Variants in CAST observed in about 807,000 individuals in gnomAD.
CAST encodes MIR583 host.
Under a neutral mutation model 119.6 loss-of-function variants are expected in CAST, and 76 were observed. The ratio of observed to expected loss-of-function variants is 0.64; its 90% CI spans 0.53 to 0.77. The LOEUF is 0.77. CAST is among the 30% of genes least tolerant of loss of function. The probability of loss-of-function intolerance (pLI) is 0.00; values close to 1 mark genes in which losing one functional copy is unlikely to be tolerated. For synonymous variants in CAST, 319 were observed against 331.6 expected (o/e 0.96, Z 0.41); for missense variants, 953 against 946.5 (o/e 1.01, Z -0.09).
At chr5:96,557,427 T>C (rs564310962) in intron 1 of CAST, among the ~76,000 whole-genome samples, 1 of 151,730 alleles carries the variant, frequency 6.6e-6, no homozygotes, top group Non-Finnish European at 1.5e-5. Context: ...ATTGGATAAA[T>C]AGTCAAGACC....
chr5:96,735,362 G>A (rs1428316099), intron 9 of CAST, among the ~76,000 whole-genome samples: 1 of 152,184 alleles, frequency 6.6e-6, no homozygotes, highest in Non-Finnish European at 1.5e-5. Context: ...ACCTTCAAAT[G>A]GGAAATGGTC....
chr5:96,602,411 A>G (rs1471106526), intron 1 of CAST, among the ~76,000 whole-genome samples: 1 of 152,220 alleles, frequency 6.6e-6, no homozygotes, highest in East Asian at 1.9e-4. Context: ...AACACAGCAA[A>G]TAAACATGAT....
chr5:96,000,086 AT>A, the CAST span, among the ~76,000 whole-genome samples: 1 of 151,920 alleles, frequency 6.6e-6, no homozygotes, highest in Non-Finnish European at 1.5e-5. Context: ...TATTTTATCC[AT>A]TTTTTGATTG....
chr5:95,978,495 TG>T, the CAST span, among the ~76,000 whole-genome samples: 8 of 152,190 alleles, frequency 5.3e-5, no homozygotes, highest in Non-Finnish European at 7.3e-5. Flanking sequence ...TTTATGTGGT[TG>T]TTTTTTTTTC....
chr5:96,545,852 A>T (rs1746001602), intron 1 of CAST, among the ~76,000 whole-genome samples: 1 of 152,136 alleles, frequency 6.6e-6, no homozygotes, highest in Non-Finnish European at 1.5e-5. Flanking sequence ...TTTGATAACC[A>T]TTTACATGGC....
At chr5:96,510,270 G>A in the CAST span, among the ~76,000 whole-genome samples, 5 of 152,156 alleles carry the variant, frequency 3.3e-5, no homozygotes, top group Non-Finnish European at 5.9e-5. Context: ...TCATCCAATG[G>A]CCTTTGGAAA....
the CAST span, among the ~76,000 whole-genome samples, chr5:96,260,899 T>C: frequency 6.6e-6 from 1 of 152,206 alleles, no homozygotes; most frequent in African/African-American, 2.4e-5. Flanking sequence ...GAGTGAATAA[T>C]ATATAAAACT....
the CAST span, among the ~76,000 whole-genome samples, chr5:96,389,849 C>G: frequency 5.3e-5 from 8 of 151,886 alleles, no homozygotes; most frequent in African/African-American, 1.9e-4. Context: ...GTGGGAAGAT[C>G]GTTTGAGCCT....
the CAST span, among the ~76,000 whole-genome samples, chr5:96,150,090 A>G: frequency 6.6e-6 from 1 of 152,224 alleles, no homozygotes; most frequent in Non-Finnish European, 1.5e-5. Context: ...ATTGGTGAAT[A>G]AAACAGCCAA....
At chr5:96,267,487 G>A in the CAST span, among the ~76,000 whole-genome samples, 3 of 152,080 alleles carry the variant, frequency 2.0e-5, no homozygotes, top group South Asian at 2.1e-4. Context: ...CCTTCTCAAC[G>A]GAAACTATAC....
At chr5:96,600,139 AG>A (rs1352185631) in intron 1 of CAST, among the ~76,000 whole-genome samples, 2 of 152,204 alleles carry the variant, frequency 1.3e-5, no homozygotes, top group Non-Finnish European at 2.9e-5. Flanking sequence ...TAAGAAAAAA[AG>A]GTATGGTTTG....
the CAST span, among the ~76,000 whole-genome samples, chr5:96,283,716 T>C: frequency 1.3e-5 from 2 of 152,212 alleles, no homozygotes; most frequent in African/African-American, 4.8e-5. Flanking sequence ...TTATGTGCAG[T>C]GGACCGGCAG....
chr5:96,009,151 T>C, the CAST span, among the ~76,000 whole-genome samples: 1 of 152,242 alleles, frequency 6.6e-6, no homozygotes, highest in Non-Finnish European at 1.5e-5. Context: ...TCTCATTCTT[T>C]TTATGGCTGC....
intron 1 of CAST, among the ~76,000 whole-genome samples, chr5:96,648,700 TTTTA>T (rs1748053691): frequency 7.1e-6 from 1 of 140,440 alleles, no homozygotes; most frequent in African/African-American, 2.6e-5. Flanking sequence ...CTGGGAGAAG[TTTTA>T]TTTATATATA....
chr5:96,490,372 G>T, the CAST span, among the ~76,000 whole-genome samples: 5 of 151,840 alleles, frequency 3.3e-5, no homozygotes, highest in African/African-American at 1.2e-4. Context: ...GTGTGTGTGT[G>T]TGTGTGTGTA....
At chr5:96,261,871 C>T in the CAST span, among the ~76,000 whole-genome samples, 1,920 of 152,226 alleles carry the variant, frequency 0.013, 47 homozygotes, top group African/African-American at 0.044. Flanking sequence ...GGGGAGAAAA[C>T]GAATATTTGT....
At chr5:96,761,510 T>C (rs1338039671) in intron 24 of CAST, 1 of 152,260 alleles carries the variant, frequency 6.6e-6, no homozygotes, top group Non-Finnish European at 1.5e-5. Flanking sequence ...TAATGTGCTT[T>C]TCTCCATCTT....
the CAST span, among the ~76,000 whole-genome samples, chr5:96,256,558 A>C: frequency 6.7e-6 from 1 of 149,488 alleles, no homozygotes. Flanking sequence ...CTAGGCTACA[A>C]ATCTGTACAG....
the CAST span, among the ~76,000 whole-genome samples, chr5:95,992,226 G>A: frequency 6.6e-6 from 1 of 152,120 alleles, no homozygotes; most frequent in Non-Finnish European, 1.5e-5. Context: ...TTTATGGATT[G>A]GAAAACTCCG....
Sources: allele counts gnomAD v4.1 joint callset (sites outside exome capture counted in the v4.1 genomes callset), GRCh38; gene constraint gnomAD v4.1.1; transcripts MANE v1.5; gene names NCBI Gene and HGNC (gene_info 2026-07-23, HGNC 2026-07-21).